MYBL2: variants seen among roughly 807,000 people sequenced by gnomAD.
MYBL2 encodes the protein MYB proto-oncogene like 2.
Under a neutral mutation model 79.9 loss-of-function variants are expected in MYBL2, and 28 were observed. That is an observed-to-expected ratio of 0.35 (90% confidence interval 0.26 to 0.48). The LOEUF is 0.48. Ranked by LOEUF, MYBL2 falls within the 20% of genes least tolerant of loss-of-function variation. The pLI is 0.99. For synonymous variants in MYBL2, 378 were observed against 361.2 expected (o/e 1.05, Z -0.53); for missense variants, 735 against 893.9 (o/e 0.82, Z 2.27).
intron 12 of MYBL2, among the ~76,000 whole-genome samples, chr20:43,714,583 T>C (rs1452505566): frequency 2.0e-5 from 3 of 149,762 alleles, no homozygotes; most frequent in Non-Finnish European, 4.5e-5. Context: ...ATTACTTGAT[T>C]TTTTTTTTTT....
At chr20:43,710,497 C>G (rs1457042029) in intron 10 of MYBL2, among the ~76,000 whole-genome samples, 1 of 152,236 alleles carries the variant, frequency 6.6e-6, no homozygotes. Flanking sequence ...CTGCAGTGTG[C>G]AGGCTGCCCT....
At chr20:43,696,739 T>TC (rs1457360648) in intron 6 of MYBL2, among the ~76,000 whole-genome samples, 3 of 152,296 alleles carry the variant, frequency 2.0e-5, no homozygotes, top group Non-Finnish European at 4.4e-5. Flanking sequence ...GTTGATTTTT[T>TC]TGTTTTTAGA....
chr20:43,712,929 C>T (rs1308569686), intron 11 of MYBL2, 73 bp from the exon 12 acceptor site: 6 of 1,217,514 alleles, frequency 4.9e-6, no homozygotes, highest in Non-Finnish European at 7.1e-6. Context: ...CATCCATGGC[C>T]ATGACCATCC....
chr20:43,700,139 C>T, intron 7 of MYBL2, 95 bp downstream of exon 7: 2 of 1,474,096 alleles, frequency 1.4e-6, no homozygotes, highest in South Asian at 1.3e-5. Context: ...ATTCCATCGC[C>T]CTGCTAACAG....
chr20:43,678,311 TAAAGAAAG>T (rs1195362732), intron 2 of MYBL2, among the ~76,000 whole-genome samples: 1 of 18,006 alleles, frequency 5.6e-5, no homozygotes, highest in African/African-American at 1.0e-4. Context: ...AAAAAATAAA[TAAAGAAAG>T]AAAGAAAGAA....
At chr20:43,677,118 C>T (rs566054797) in intron 2 of MYBL2, among the ~76,000 whole-genome samples, 1 of 152,234 alleles carries the variant, frequency 6.6e-6, no homozygotes, top group Non-Finnish European at 1.5e-5. Context: ...TTTCCAGATG[C>T]GTGCTAAGCA....
intron 6 of MYBL2, 104 bp from the exon 7 acceptor site, chr20:43,699,653 C>A: frequency 8.1e-7 from 1 of 1,232,806 alleles, no homozygotes; most frequent in Non-Finnish European, 1.1e-6. Flanking sequence ...TATTTGGGTT[C>A]ATCACAGTTT....
chr20:43,671,407 C>T (rs1303078548), intron 1 of MYBL2, among the ~76,000 whole-genome samples: 1 of 151,310 alleles, frequency 6.6e-6, no homozygotes, highest in East Asian at 1.9e-4. Flanking sequence ...CCACCCACCT[C>T]GGCCTCCCAA....
intron 4 of MYBL2, among the ~76,000 whole-genome samples, chr20:43,685,885 A>G (rs557998945): frequency 5.3e-5 from 8 of 152,020 alleles, no homozygotes; most frequent in Admixed American, 3.3e-4. Flanking sequence ...TAAAAATACA[A>G]AATTAGCCGG....
chr20:43,680,000 ACT>A (rs1250127964), intron 2 of MYBL2, among the ~76,000 whole-genome samples: 1 of 147,776 alleles, frequency 6.8e-6, no homozygotes, highest in East Asian at 2.0e-4. Context: ...CTATCTTTCT[ACT>A]CTGTTTCTGT....
intron 5 of MYBL2, among the ~76,000 whole-genome samples, chr20:43,688,740 GC>G (rs1987336786): frequency 6.6e-6 from 1 of 151,910 alleles, no homozygotes; most frequent in African/African-American, 2.4e-5. Flanking sequence ...ACCACACCTG[GC>G]CTGGCACCCT....
intron 4 of MYBL2, among the ~76,000 whole-genome samples, chr20:43,684,683 A>G (rs2145716261): frequency 6.6e-6 from 1 of 151,808 alleles, no homozygotes; most frequent in Admixed American, 6.6e-5. Flanking sequence ...CTTCGCCTTA[A>G]AATTAATTTT....
chr20:43,711,547 C>A lies in MYBL2; in HGVS notation c.1665C>A (p.Ile555=). 1.2e-6 allele frequency: 2 copies of A among 1,613,730 alleles called. No homozygotes were observed. The highest frequency in any genetic ancestry group is 1.7e-6 in the Non-Finnish European group (2 of 1,179,886). ...AGGTGCTGCGTTCTGAGGCTGGCAT[C>A]GAACTCATCATCGAGGACGACATCA... The part of the protein sequence containing the change: ...LKEVLRSEAG[I]ELIIEDDIRP... Residue 555 remains isoleucine (I), a synonymous_variant, in exon 11 of 14, where the codon ATC becomes ATA. Coordinates refer to ENST00000217026, the MANE Select transcript of MYBL2 (RefSeq NM_002466.4).
intron 2 of MYBL2, among the ~76,000 whole-genome samples, chr20:43,680,566 C>T (rs1004153463): frequency 2.0e-5 from 3 of 152,060 alleles, no homozygotes; most frequent in African/African-American, 4.8e-5. Context: ...GGCATGATCT[C>T]GGCTCACTGC....
chr20:43,674,232 C>CT (rs1163761729), intron 2 of MYBL2, among the ~76,000 whole-genome samples: 5 of 111,352 alleles, frequency 4.5e-5, no homozygotes, highest in East Asian at 3.1e-4. Flanking sequence ...ACTCCCCCCA[C>CT]CCTTTTTTTT....
At position 43,705,230 on chromosome 20, in the gene MYBL2, C is replaced by A. The variant is rs1200374518; in HGVS notation, c.1377C>A (p.Phe459Leu). 2 of 1,613,820 alleles carry A rather than the reference C, an allele frequency of 1.2e-6. No homozygotes were observed. Among genetic ancestry groups the A allele is most frequent in the African/African-American group, 2.7e-5 (2 of 74,918 alleles). ...CTCTTCTTTGGCAGTTTCTGAACTT[C>A]TGGAACAAACAGGACACATTGGAGC... ...LPFSPSQFLN[F>L]WNKQDTLELE... Residue 459 changes from phenylalanine (F) to leucine (L), a missense_variant, in exon 9 of 14, where the codon TTC (phenylalanine) becomes TTA (leucine). Phe to Leu is a conservative substitution (Grantham distance 22). This residue lies in a region of MYBL2 where 243 missense variants were observed against 327.2 expected (regional missense o/e 0.74). Coordinates refer to ENST00000217026, the MANE Select transcript of MYBL2 (RefSeq NM_002466.4).
At chr20:43,710,276 C>T (rs571314171) in intron 10 of MYBL2, among the ~76,000 whole-genome samples, 9 of 152,328 alleles carry the variant, frequency 5.9e-5, no homozygotes, top group Non-Finnish European at 8.8e-5. Context: ...TGCAAGCACG[C>T]GCCGGCTGGT....
At chr20:43,673,558 G>A (rs762950381) in intron 1 of MYBL2, 7 of 550,190 alleles carry the variant, frequency 1.3e-5, no homozygotes, top group East Asian at 8.2e-5. Flanking sequence ...GATCATTTGA[G>A]TCCAGGAGTT....
At chr20:43,698,971 A>G (rs1341754229) in intron 6 of MYBL2, among the ~76,000 whole-genome samples, 1 of 151,882 alleles carries the variant, frequency 6.6e-6, no homozygotes, top group African/African-American at 2.4e-5. Context: ...CCAAAGTGCT[A>G]GAGTTACAGG....
Sources: allele counts gnomAD v4.1 joint callset (sites outside exome capture counted in the v4.1 genomes callset), GRCh38; gene constraint gnomAD v4.1.1; regional missense constraint gnomAD v4.1.1; transcripts MANE v1.5; gene names NCBI Gene and HGNC (gene_info 2026-07-23, HGNC 2026-07-21).